Variants in RBMS3 observed in about 807,000 individuals in gnomAD.
The protein encoded by RBMS3 is RNA binding motif single stranded interacting protein 3.
RBMS3 carries 27 observed loss-of-function variants against 66.8 expected under a neutral mutation model. That is an observed-to-expected ratio of 0.40 (90% confidence interval 0.30 to 0.56). The LOEUF (loss-of-function observed/expected upper bound fraction) is 0.56, where lower values mean the gene tolerates loss of function less well. Ranked by LOEUF, RBMS3 falls within the 20% of genes least tolerant of loss-of-function variation. RBMS3 has a pLI of 0.40. For missense variants in RBMS3, 513 were observed against 549.5 expected (o/e 0.93, Z 0.66); for synonymous variants, 188 against 183.0 (o/e 1.03, Z -0.22).
At chr3:29,595,387 A>C (rs1286200783) in intron 4 of RBMS3, among the ~76,000 whole-genome samples, 2 of 146,276 alleles carry the variant, frequency 1.4e-5, no homozygotes, top group Non-Finnish European at 3.0e-5. Context: ...CGACAGTGTA[A>C]GAGTCAGTCT....
At chr3:29,876,888 A>G (rs80276237) in intron 7 of RBMS3, among the ~76,000 whole-genome samples, 2,227 of 152,220 alleles carry the variant, frequency 0.015, 61 homozygotes, top group African/African-American at 0.051. Context: ...TGAGATTTCT[A>G]TGGGCCAGAT....
intron 4 of RBMS3, among the ~76,000 whole-genome samples, chr3:29,728,203 G>A (rs924276557): frequency 5.3e-5 from 8 of 150,406 alleles, no homozygotes; most frequent in African/African-American, 2.0e-4. Context: ...CTGGGGGCCT[G>A]TTGGGGCAGG....
intron 3 of RBMS3, among the ~76,000 whole-genome samples, chr3:29,574,855 A>T (rs1035021783): frequency 6.6e-6 from 1 of 151,778 alleles, no homozygotes; most frequent in African/African-American, 2.4e-5. Context: ...ACACACACAC[A>T]CACACACAAG....
At chr3:29,419,870 C>A (rs2040630392) in intron 1 of RBMS3, among the ~76,000 whole-genome samples, 1 of 152,180 alleles carries the variant, frequency 6.6e-6, no homozygotes, top group South Asian at 2.1e-4. Context: ...GGAATACTTA[C>A]ACCACTACCA....
chr3:29,444,737 A>G (rs1384906976), intron 2 of RBMS3, among the ~76,000 whole-genome samples: 3 of 146,192 alleles, frequency 2.1e-5, no homozygotes, highest in African/African-American at 7.5e-5. Context: ...AAGCCATTTG[A>G]AGTGGTCCTT....
intron 5 of RBMS3, among the ~76,000 whole-genome samples, chr3:29,756,547 T>C (rs945365134): frequency 6.6e-6 from 1 of 151,962 alleles, no homozygotes; most frequent in Non-Finnish European, 1.5e-5. Flanking sequence ...ACTTACTCAC[T>C]ATCATGAGAA....
intron 6 of RBMS3, among the ~76,000 whole-genome samples, chr3:29,825,994 A>G (rs2058201638): frequency 6.6e-6 from 1 of 152,134 alleles, no homozygotes; most frequent in Non-Finnish European, 1.5e-5. Context: ...TCTTATTCTT[A>G]TACTTGTCAT....
At chr3:29,310,984 G>GT (rs2034339211) in intron 1 of RBMS3, among the ~76,000 whole-genome samples, 2 of 151,808 alleles carry the variant, frequency 1.3e-5, no homozygotes, top group Admixed American at 6.6e-5. Context: ...CCAACTCCCA[G>GT]TGAGTCCAAA....
intron 6 of RBMS3, among the ~76,000 whole-genome samples, chr3:29,778,314 G>T (rs2056495657): frequency 6.6e-6 from 1 of 151,452 alleles, no homozygotes; most frequent in Non-Finnish European, 1.5e-5. Flanking sequence ...TTGTTCTCTT[G>T]TGACTCTCTG....
chr3:29,702,479 G>T (rs558892838), intron 4 of RBMS3, among the ~76,000 whole-genome samples: 9 of 152,192 alleles, frequency 5.9e-5, no homozygotes, highest in South Asian at 2.1e-4. Flanking sequence ...GTGGCAACCC[G>T]CCGGGGTCCT....
intron 10 of RBMS3, among the ~76,000 whole-genome samples, chr3:29,902,577 C>G (rs1012369421): frequency 1.3e-5 from 2 of 151,856 alleles, no homozygotes; most frequent in African/African-American, 4.8e-5. Flanking sequence ...TTGAGAATCT[C>G]CTTTTTTCAG....
intron 4 of RBMS3, among the ~76,000 whole-genome samples, chr3:29,668,730 C>T (rs7622316): frequency 0.11 from 17,370 of 152,188 alleles, 2,147 homozygotes; most frequent in African/African-American, 0.31. Flanking sequence ...ATCAGTTGGA[C>T]TTCACAGAAT....
Position 29,790,179 on chromosome 3 carries a change from T to C in RBMS3, c.637+27190T>C, listed in dbSNP as rs945205138. On this transcript the variant is annotated intron_variant, in intron 6 of 14. Transcript: ENST00000383767. The stretch of plus-strand genomic sequence containing the variant: ...GCACTGACATAGAGAAAATACTTTT[T>C]GCTCAATATTTCAAGGACGACTTTA... 2.0e-5 allele frequency among the ~76,000 whole-genome samples: 3 copies of C among 152,186 alleles called. No individual in the cohort carries two copies. In the East Asian group the frequency reaches 5.8e-4, roughly 29 times the overall value.
At chr3:29,644,972 A>G (rs895078908) in intron 4 of RBMS3, among the ~76,000 whole-genome samples, 1 of 152,236 alleles carries the variant, frequency 6.6e-6, no homozygotes, top group Non-Finnish European at 1.5e-5. Flanking sequence ...TCCCTGTAGA[A>G]GTATTGCTTA....
At chr3:29,466,709 A>C (rs2125789684) in intron 2 of RBMS3, among the ~76,000 whole-genome samples, 1 of 152,318 alleles carries the variant, frequency 6.6e-6, no homozygotes, top group Non-Finnish European at 1.5e-5. Context: ...ACGGCATGTC[A>C]AACACAAGGC....
rs932827606 is a variant in RBMS3, at chr3:29,933,314, G to GTATT, written c.940-2760_940-2757dup. Among the ~76,000 whole-genome samples, 8 of 152,056 alleles carry GTATT rather than the reference G, an allele frequency of 5.3e-5. No individual in the cohort carries two copies. The East Asian group carries it at 1.5e-3, about 29-fold the overall frequency. ...CATAAGGCTTTTCTTTTCTTCTTTT[G>GTATT]TATTTATTTATTTATGTCATATACA... On this transcript the variant is annotated intron_variant, in intron 10 of 14. Transcript: ENST00000383767.
rs141910997 is a variant in RBMS3 at position 29,902,683 on chromosome 3, C to T, written c.939+2928C>T. 5.7e-3 allele frequency among the ~76,000 whole-genome samples: 872 copies of T among 151,982 alleles called. 5 individuals carry two copies. Among genetic ancestry groups the T allele is most frequent in the South Asian group, 0.018 (89 of 4,816 alleles). ...CCAATTTGCTTGCAACTTTTCTTCT[C>T]TGTCACATTTTCTCTTTCCTCACTT... On this transcript the variant is annotated intron_variant, in intron 10 of 14. Transcript: ENST00000383767.
intron 1 of RBMS3, among the ~76,000 whole-genome samples, chr3:29,362,465 G>T (rs1407048658): frequency 1.3e-5 from 2 of 152,202 alleles, no homozygotes. Context: ...CCTACTGGGG[G>T]CTGCCTCCCA....
chr3:29,750,323 G>C (rs1454014930), intron 5 of RBMS3, among the ~76,000 whole-genome samples: 1 of 152,200 alleles, frequency 6.6e-6, no homozygotes, highest in East Asian at 1.9e-4. Context: ...ATAACGTTTT[G>C]AGAAGACTTA....
Sources: gnomAD v4.1 joint callset for allele counts (sites outside exome capture counted in the v4.1 genomes callset) on GRCh38, gnomAD v4.1.1 for gene constraint, MANE v1.5 for transcripts, NCBI Gene and HGNC (gene_info 2026-07-23, HGNC 2026-07-21) for gene names.